Variants in NKD2 observed in about 807,000 individuals in gnomAD.
NKD2 encodes the protein NKD inhibitor of Wnt signaling pathway 2, also known as protein naked cuticle homolog 2.
NKD2 carries 43 observed loss-of-function variants against 34.8 expected under a neutral mutation model. The observed-to-expected ratio is 1.24, with a 90% CI of 0.97 to 1.60. The LOEUF (loss-of-function observed/expected upper bound fraction) is 1.60, where lower values mean the gene tolerates loss of function less well. Among genes scored for constraint, NKD2 ranks in the 40% most tolerant of loss-of-function variants. The pLI, the probability that NKD2 is intolerant of heterozygous loss-of-function variation, is 0.00. For synonymous variants in NKD2, 278 were observed against 265.1 expected (o/e 1.05, Z -0.47); for missense variants, 675 against 627.1 (o/e 1.08, Z -0.82).
At chr5:1,022,873 A>T (rs1579257976) in intron 3 of NKD2, among the ~76,000 whole-genome samples, 1 of 2,746 alleles carries the variant, frequency 3.6e-4, no homozygotes, top group African/African-American at 3.8e-4. Flanking sequence ...CCCACCCGCT[A>T]GTGGGTGTCC....
intron 3 of NKD2, among the ~76,000 whole-genome samples, chr5:1,021,367 TCCACCCAC>T (rs1189340387): frequency 3.5e-5 from 1 of 28,322 alleles, no homozygotes; most frequent in African/African-American, 1.5e-4. Context: ...CCCCCGCCCC[TCCACCCAC>T]CCACCCACCC....
rs190361357 is a variant in NKD2, at chr5:1,020,978, C to T, written c.142-11174C>T. On this transcript the variant is annotated intron_variant, in intron 3 of 9. Transcript: ENST00000296849. ...AGTGAGGGGCGTGGGTAGTGTGGCA[C>T]CTCCACGTTTTCCCATTTAAACAAT... Among the ~76,000 whole-genome samples the T allele has an allele frequency of 1.5e-3, 223 of 152,234 alleles. 1 individual carries two copies. The highest frequency in any genetic ancestry group is 5.1e-3 in the African/African-American group (213 of 41,538).
intron 3 of NKD2, among the ~76,000 whole-genome samples, chr5:1,021,848 G>T (rs910557408): frequency 2.0e-5 from 3 of 152,076 alleles, no homozygotes; most frequent in African/African-American, 7.2e-5. Context: ...CAGGGATAAG[G>T]CGGATGGGGT....
chr5:1,033,498 A>G lies in NKD2; in HGVS notation c.329A>G (p.Asp110Gly). The G allele has an allele frequency of 6.5e-7, 1 of 1,548,144 alleles. No homozygotes were observed. Among genetic ancestry groups the G allele is most frequent in the Non-Finnish European group, 8.7e-7 (1 of 1,145,434 alleles). The change falls in exon 5 of 10, where the codon GAC becomes GGC. Residue 110 changes from aspartate to glycine, a missense_variant and splice_region_variant. Asp to Gly is a moderately conservative substitution (Grantham distance 94). Coordinates refer to ENST00000296849, the MANE Select transcript of NKD2 (RefSeq NM_033120.4). ...RGPGGQRLNI[D>G]ALQCDVSVEE... Reference sequence around the variant, plus strand: ...CCGGGCGGGCAGCGCCTCAACATTGACGTGGGTCTCTCTCCGGCCTCACTT... The same window carrying G: ...CCGGGCGGGCAGCGCCTCAACATTGGCGTGGGTCTCTCTCCGGCCTCACTT...
chr5:1,028,758 G>A (rs1429996562), intron 3 of NKD2, among the ~76,000 whole-genome samples: 2 of 151,904 alleles, frequency 1.3e-5, no homozygotes, highest in African/African-American at 4.8e-5. Flanking sequence ...GGAGGGTCTC[G>A]CTAGGGACAG....
chr5:1,036,942 A>G (rs1733996111), intron 9 of NKD2: 1 of 348,890 alleles, frequency 2.9e-6, no homozygotes, highest in Non-Finnish European at 5.5e-6. Flanking sequence ...TGTGGATGGC[A>G]GGCGGGCAGT....
chr5:1,029,691 A>G (rs1756563351), intron 3 of NKD2, among the ~76,000 whole-genome samples: 1 of 152,144 alleles, frequency 6.6e-6, no homozygotes, highest in Non-Finnish European at 1.5e-5. Context: ...ACACTTAAAA[A>G]TCCTTAAAAA....
In NKD2 at chr5:1,008,958, G is replaced by C; in HGVS notation, c.-100G>C. On this transcript the variant is annotated 5_prime_UTR_variant, in exon 1 of 10. Transcript: ENST00000296849. The stretch of plus-strand genomic sequence containing the variant: ...TCCCTCACCTCCTACCGGCACCCTA[G>C]CTTGCTCCCGGCCCATGCGGCCCCC... 1 of 407,198 alleles carries C rather than the reference G, an allele frequency of 2.5e-6. No individual in the cohort carries two copies. The highest frequency in any genetic ancestry group is 4.3e-6 in the Non-Finnish European group (1 of 231,992). The allele number at this position is 407,198 out of a possible 1,614,324, so 25.2% of individuals were successfully genotyped here.
At chr5:1,027,190 G>T (rs970609759) in intron 3 of NKD2, among the ~76,000 whole-genome samples, 4 of 152,250 alleles carry the variant, frequency 2.6e-5, no homozygotes, top group African/African-American at 4.8e-5. Context: ...CTTCGAGCCA[G>T]GGGCTCCACC....
rs1242131134 is a variant in NKD2 at position 1,038,108 on chromosome 5, A to G, written c.1091A>G (p.Gln364Arg). 2 of 1,600,000 alleles carry G rather than the reference A, an allele frequency of 1.3e-6. No individual in the cohort carries two copies. Among genetic ancestry groups the G allele is most frequent in the Admixed American group, 1.7e-5 (1 of 58,778 alleles). Reference sequence around the variant, plus strand: ...TACCTGCCGGCCGTCCTGCCGCCCCAGGCCCCTCAGGACGGCCACCACCTC... The same window carrying G: ...TACCTGCCGGCCGTCCTGCCGCCCCGGGCCCCTCAGGACGGCCACCACCTC... ...SYYLPAVLPP[Q>R]APQDGHHLPQ... Residue 364 changes from glutamine to arginine, a missense_variant, in exon 10 of 10, where the codon CAG becomes CGG. Transcript: ENST00000296849. This position sits in a 1 kb window ranked among gnomAD's most constrained non-coding sequence, Gnocchi z 4.5.
At chr5:1,019,835 A>G (rs1420591221) in intron 3 of NKD2, among the ~76,000 whole-genome samples, 1 of 152,060 alleles carries the variant, frequency 6.6e-6, no homozygotes, top group East Asian at 1.9e-4. Flanking sequence ...AGGCTTTAAT[A>G]TGAATGAAAG....
intron 6 of NKD2, 123 bp downstream of exon 6, chr5:1,034,453 A>G (rs1733722503): frequency 1.2e-6 from 1 of 832,550 alleles, no homozygotes; most frequent in Non-Finnish European, 2.0e-6. Context: ...TCCTCATGCC[A>G]GCTGGGCTTG....
chr5:1,012,650 A>G (rs563686517), intron 3 of NKD2, among the ~76,000 whole-genome samples: 1 of 152,246 alleles, frequency 6.6e-6, no homozygotes, highest in South Asian at 2.1e-4. Flanking sequence ...GGCCTTGCTC[A>G]CGGGAACTGG....
intron 9 of NKD2, chr5:1,037,580 G>C: frequency 6.5e-7 from 1 of 1,535,870 alleles, no homozygotes; most frequent in South Asian, 1.2e-5. Flanking sequence ...GACAAGGCTA[G>C]AGGAGTCGGC....
chr5:1,036,490 C>T, intron 9 of NKD2, 106 bp downstream of exon 9: 2 of 569,200 alleles, frequency 3.5e-6, no homozygotes, highest in Non-Finnish European at 2.7e-6. Flanking sequence ...CTGCCCTGCC[C>T]CGCCCCCCCC....
chr5:1,016,787 GCAGCTGTTTTTGGATAA>G (rs1443893302), intron 3 of NKD2, among the ~76,000 whole-genome samples: 2 of 152,244 alleles, frequency 1.3e-5, no homozygotes, highest in Admixed American at 1.3e-4. Context: ...AAGAGCTACA[GCAGCTGTTTTTGGATAA>G]CAGAGCCTAC....
intron 3 of NKD2, among the ~76,000 whole-genome samples, chr5:1,016,380 C>T (rs978202398): frequency 1.3e-5 from 2 of 152,240 alleles, no homozygotes; most frequent in Non-Finnish European, 2.9e-5. Context: ...TCCTGTCCTG[C>T]GCAGAGCTGG....
intron 3 of NKD2, among the ~76,000 whole-genome samples, chr5:1,023,142 C>T (rs1579258357): frequency 1.5e-4 from 1 of 6,602 alleles, no homozygotes; most frequent in African/African-American, 1.6e-4. Flanking sequence ...GCCCGTTGTC[C>T]CTGCTCTTCC....
At chr5:1,037,533 C>G (rs953168758) in intron 9 of NKD2, 1 of 1,535,694 alleles carries the variant, frequency 6.5e-7, no homozygotes, top group Non-Finnish European at 8.7e-7. Flanking sequence ...CTCAGCTGTG[C>G]GAGAAGAGAA....
Sources: gnomAD v4.1 joint callset for allele counts (sites outside exome capture counted in the v4.1 genomes callset) on GRCh38, gnomAD v4.1.1 for gene constraint, Gnocchi (gnomAD v3.1) non-coding constraint, MANE v1.5 for transcripts, NCBI Gene and HGNC (gene_info 2026-07-23, HGNC 2026-07-21) for gene names.